ERBB4: variants seen among roughly 807,000 people sequenced by gnomAD.
The protein encoded by ERBB4 is erb-b2 receptor tyrosine kinase 4.
ERBB4 carries 42 observed loss-of-function variants against 158.0 expected under a neutral mutation model. The observed-to-expected ratio is 0.27, with a 90% CI of 0.21 to 0.34. The LOEUF (loss-of-function observed/expected upper bound fraction) is 0.34. ERBB4 is among the 10% of genes least tolerant of loss of function. The pLI is 1.00. For synonymous variants in ERBB4, 583 were observed against 558.7 expected (o/e 1.04, Z -0.61); for missense variants, 1,333 against 1,624.1 (o/e 0.82, Z 3.08).
chr2:211,836,734 G>C (rs1177506322), intron 3 of ERBB4, among the ~76,000 whole-genome samples: 2 of 152,036 alleles, frequency 1.3e-5, no homozygotes, highest in Non-Finnish European at 2.9e-5. Context: ...CAGGTCTGCT[G>C]TGTTAATTAA....
intron 25 of ERBB4, among the ~76,000 whole-genome samples, chr2:211,388,693 AAAC>A (rs2062739233): frequency 1.3e-5 from 2 of 152,222 alleles, no homozygotes; most frequent in Admixed American, 1.3e-4. Context: ...TCAGTTAAAG[AAAC>A]AACAACAAAA....
intron 2 of ERBB4, among the ~76,000 whole-genome samples, chr2:212,118,980 T>C (rs1293147346): frequency 6.6e-6 from 1 of 151,998 alleles, no homozygotes; most frequent in Non-Finnish European, 1.5e-5. Flanking sequence ...TTAAAAGGCA[T>C]CTTTATATAT....
chr2:211,496,478 G>A (rs79326600), intron 20 of ERBB4, among the ~76,000 whole-genome samples: 10,661 of 151,384 alleles, frequency 0.07, 532 homozygotes, highest in Middle Eastern at 0.14. Context: ...ACCATTGATC[G>A]GTACCATACT....
At chr2:212,384,498 T>C (rs1156360602) in intron 1 of ERBB4, among the ~76,000 whole-genome samples, 2 of 151,638 alleles carry the variant, frequency 1.3e-5, no homozygotes, top group East Asian at 3.9e-4. Context: ...AAGAGACAAA[T>C]TCCTGAAACT....
intron 3 of ERBB4, among the ~76,000 whole-genome samples, chr2:211,814,414 T>C (rs2076832051): frequency 6.6e-6 from 1 of 152,296 alleles, no homozygotes; most frequent in African/African-American, 2.4e-5. Context: ...GATAATGTAT[T>C]CAGAATAATT....
Position 211,772,453 on chromosome 2 carries a change from C to T in ERBB4, c.556+15572G>A, listed in dbSNP as rs568382343. On this transcript the variant is annotated intron_variant, in intron 4 of 27. Transcript: ENST00000342788. ...AACAGAAAATGAAATTAGCTTTGAA[C>T]TGAATGAGAGGCAAAAAGACCTAGG... 3.7e-4 allele frequency among the ~76,000 whole-genome samples: 56 copies of T among 151,856 alleles called. 1 individual carries two copies. Among genetic ancestry groups the T allele is most frequent in the African/African-American group, 1.3e-3 (53 of 41,410 alleles).
intron 5 of ERBB4, among the ~76,000 whole-genome samples, chr2:211,726,068 G>A (rs2106135967): frequency 6.6e-6 from 1 of 152,262 alleles, no homozygotes; most frequent in South Asian, 2.1e-4. Flanking sequence ...AATATTTTTA[G>A]GGTATTTAAG....
chr2:212,141,321 A>G (rs2080467962), intron 1 of ERBB4, among the ~76,000 whole-genome samples: 1 of 152,040 alleles, frequency 6.6e-6, no homozygotes, highest in Non-Finnish European at 1.5e-5. Flanking sequence ...ATGAGTACCA[A>G]CCATTTTATT....
At chr2:211,888,607 CG>C (rs1248571510) in intron 3 of ERBB4, among the ~76,000 whole-genome samples, 3 of 151,698 alleles carry the variant, frequency 2.0e-5, no homozygotes, top group East Asian at 1.9e-4. Flanking sequence ...ACGCAGAAGA[CG>C]GGTGATTTCT....
intron 16 of ERBB4, among the ~76,000 whole-genome samples, chr2:211,643,096 T>A (rs2070658464): frequency 6.6e-6 from 1 of 152,112 alleles, no homozygotes. Context: ...GAAGCAACAG[T>A]TGTTCCTACT....
intron 20 of ERBB4, among the ~76,000 whole-genome samples, chr2:211,506,537 C>T (rs764036855): frequency 4.8e-5 from 7 of 146,892 alleles, no homozygotes; most frequent in South Asian, 2.2e-4. Flanking sequence ...TTAATGAATT[C>T]GAAAATTGAA....
rs989148108 is a variant in ERBB4 at position 211,750,495 on chromosome 2, G to T, written c.622+144C>A. 8 of 725,452 alleles carry T rather than the reference G, an allele frequency of 1.1e-5. No individual in the cohort carries two copies. The African/African-American group carries it at 1.4e-4, about 13-fold the overall frequency. The allele number at this position is 725,452 out of a possible 1,614,324, so 44.9% of individuals were successfully genotyped here. On this transcript the variant is annotated intron_variant, in intron 5 of 27. Transcript: ENST00000342788. ...TTCATTTGAAAGCAATGAAAATCGGGTAGTTTTCTTGGCCCAAAGCAAATC... is the reference window on the plus strand; with the variant it reads ...TTCATTTGAAAGCAATGAAAATCGGTTAGTTTTCTTGGCCCAAAGCAAATC...
At chr2:212,012,613 C>A (rs2076415235) in intron 2 of ERBB4, among the ~76,000 whole-genome samples, 1 of 152,058 alleles carries the variant, frequency 6.6e-6, no homozygotes, top group Admixed American at 6.6e-5. Flanking sequence ...TGGGGCTTCA[C>A]CATCTTGGCC....
At chr2:211,934,111 T>C (rs2080249978) in intron 3 of ERBB4, among the ~76,000 whole-genome samples, 1 of 152,018 alleles carries the variant, frequency 6.6e-6, no homozygotes, top group Admixed American at 6.6e-5. Context: ...TATGTTACTA[T>C]TCTTCACAAA....
At chr2:211,936,753 C>G (rs2080334423) in intron 3 of ERBB4, among the ~76,000 whole-genome samples, 1 of 152,060 alleles carries the variant, frequency 6.6e-6, no homozygotes, top group South Asian at 2.1e-4. Context: ...ATTTCCATCT[C>G]TTTTCCCCGT....
intron 3 of ERBB4, among the ~76,000 whole-genome samples, chr2:211,930,480 T>G (rs1049477232): frequency 2.0e-5 from 3 of 152,170 alleles, no homozygotes; most frequent in Admixed American, 1.3e-4. Context: ...AATTTTAGAA[T>G]GCAACCCCCA....
chr2:212,460,789 A>C (rs1688532142), intron 1 of ERBB4, among the ~76,000 whole-genome samples: 1 of 152,200 alleles, frequency 6.6e-6, no homozygotes, highest in Admixed American at 6.5e-5. Flanking sequence ...TGGCTGCAGA[A>C]ATTTCCATAA....
intron 19 of ERBB4, among the ~76,000 whole-genome samples, chr2:211,615,987 G>A (rs1020984575): frequency 2.6e-5 from 4 of 152,052 alleles, no homozygotes; most frequent in Admixed American, 6.6e-5. Flanking sequence ...ATGCACATAC[G>A]CTAGTTTGCA....
Position 211,813,000 on chromosome 2 carries a change from C to T in ERBB4, c.422-24841G>A, listed in dbSNP as rs141600511. ...AAATCCCCTGACCCTTTGCACTTCC[C>T]GGGTGAGGTGATGTCCCGCCCTGTT... On this transcript the variant is annotated intron_variant, in intron 3 of 27. Coordinates refer to ENST00000342788, the MANE Select transcript of ERBB4 (RefSeq NM_005235.3). 8.5e-4 allele frequency among the ~76,000 whole-genome samples: 129 copies of T among 152,318 alleles called. 2 individuals are homozygous for T. In the East Asian group the frequency reaches 0.023, roughly 27 times the overall value.
Sources: allele counts gnomAD v4.1 joint callset (sites outside exome capture counted in the v4.1 genomes callset), GRCh38; gene constraint gnomAD v4.1.1; transcripts MANE v1.5; gene names NCBI Gene and HGNC (gene_info 2026-07-23, HGNC 2026-07-21).